Variants in HMGXB4 observed in about 807,000 individuals in gnomAD.
The protein encoded by HMGXB4 is HMG domain-containing protein 4.
HMGXB4 carries 27 observed loss-of-function variants against 63.9 expected under a neutral mutation model. The observed-to-expected ratio is 0.42, with a 90% CI of 0.31 to 0.58. The LOEUF is 0.58. HMGXB4 is among the 20% of genes least tolerant of loss of function. HMGXB4 has a pLI of 0.13. For synonymous variants in HMGXB4, 264 were observed against 265.3 expected, an observed-to-expected ratio of 0.99 and a Z score of 0.05; for missense variants, 624 against 700.7, an observed-to-expected ratio of 0.89 and a Z score of 1.24.
chr22:35,263,021 G>C, intron 2 of HMGXB4, 57 bp from the exon 3 acceptor site: 1 of 1,508,914 alleles, frequency 6.6e-7, no homozygotes, highest in Non-Finnish European at 9.1e-7. Flanking sequence ...ATGACGATTT[G>C]GTCATTACTT....
chr22:35,290,004 G>A (rs777453423), intron 9 of HMGXB4, among the ~76,000 whole-genome samples: 19 of 152,314 alleles, frequency 1.2e-4, no homozygotes, highest in Admixed American at 2.6e-4. Flanking sequence ...CACAAGAGCT[G>A]AAGCTATATC....
chr22:35,260,770 T>C (rs533034322), intron 1 of HMGXB4, among the ~76,000 whole-genome samples: 54 of 152,366 alleles, frequency 3.5e-4, no homozygotes, highest in African/African-American at 1.3e-3. Context: ...TTCTTGGTAA[T>C]GCTTCATTTT....
At chr22:35,285,678 A>T (rs1924531066) in intron 6 of HMGXB4, among the ~76,000 whole-genome samples, 1 of 152,228 alleles carries the variant, frequency 6.6e-6, no homozygotes, top group Non-Finnish European at 1.5e-5. Flanking sequence ...GTGAGCCATG[A>T]TCACACCACT....
upstream of HMGXB4, among the ~76,000 whole-genome samples, chr22:35,256,371 T>C (rs1922404162): frequency 1.3e-5 from 2 of 152,176 alleles, no homozygotes; most frequent in African/African-American, 4.8e-5. Flanking sequence ...CCAATCTACA[T>C]CTCTAACTTC....
chr22:35,290,085 G>A (rs1350759601), intron 9 of HMGXB4, among the ~76,000 whole-genome samples: 2 of 152,116 alleles, frequency 1.3e-5, no homozygotes, highest in Admixed American at 6.5e-5. Flanking sequence ...ATATAGGCTC[G>A]ATATCTGAAT....
intron 1 of HMGXB4, among the ~76,000 whole-genome samples, chr22:35,260,666 C>T (rs140966327): frequency 6.9e-4 from 105 of 152,340 alleles, no homozygotes; most frequent in African/African-American, 2.5e-3. Flanking sequence ...ATTACTCTAG[C>T]TTCTCTTACT....
intron 5 of HMGXB4, 129 bp from the exon 6 acceptor site, chr22:35,283,833 T>G: frequency 3.3e-6 from 2 of 613,400 alleles, no homozygotes; most frequent in East Asian, 2.7e-5. Context: ...GAAAGCTGGT[T>G]AGTAGTTTGG....
rs756981686 is a variant in HMGXB4, at chr22:35,265,256, A to G, written c.868A>G (p.Ile290Val). 2.3e-5 allele frequency: 37 copies of G among 1,613,992 alleles called. No individual in the cohort carries two copies. The highest frequency in any genetic ancestry group is 3.1e-5 in the Non-Finnish European group (36 of 1,180,012). ...CCTTGATCTTTCAGGGCTTGAACCT[A>G]TTCTGGTAGAATCAGACTCATCCTC... ...ANLDLSGLEP[I>V]LVESDSSSGG... The change falls in exon 5 of 11, where the codon ATT (isoleucine) becomes GTT (valine). Residue 290 changes from isoleucine (I) to valine (V), a missense_variant. By Grantham distance (29) the Ile-to-Val change is conservative (BLOSUM62 3). Transcript: ENST00000216106.
intron 9 of HMGXB4, among the ~76,000 whole-genome samples, chr22:35,290,393 C>A (rs1272822514): frequency 1.3e-5 from 2 of 151,912 alleles, no homozygotes; most frequent in Non-Finnish European, 2.9e-5. Flanking sequence ...CGCCTGTAAT[C>A]CCAGCACTTT....
At chr22:35,287,903 G>A (rs760737813) in intron 8 of HMGXB4, among the ~76,000 whole-genome samples, 2 of 151,782 alleles carry the variant, frequency 1.3e-5, no homozygotes, top group Non-Finnish European at 2.9e-5. Flanking sequence ...AGCCGAGATC[G>A]TGCCATGGCA....
At chr22:35,257,891 C>T (rs527937190) in intron 1 of HMGXB4, among the ~76,000 whole-genome samples, 359 of 152,134 alleles carry the variant, frequency 2.4e-3, no homozygotes, top group Non-Finnish European at 3.6e-3. Flanking sequence ...CCGTCTCCGC[C>T]CTCGGGGGCG....
intron 5 of HMGXB4, among the ~76,000 whole-genome samples, chr22:35,270,162 C>G (rs1319840714): frequency 6.6e-6 from 1 of 152,132 alleles, no homozygotes; most frequent in African/African-American, 2.4e-5. Flanking sequence ...AGTTGAGTGG[C>G]GGGCAAGCCA....
At chr22:35,259,119 A>AC (rs1922669558) in intron 1 of HMGXB4, among the ~76,000 whole-genome samples, 1 of 152,212 alleles carries the variant, frequency 6.6e-6, no homozygotes, top group Non-Finnish European at 1.5e-5. Flanking sequence ...TCTACCAGGG[A>AC]AAGAGCAACT....
At chr22:35,257,661 C>T (rs951347191) in intron 1 of HMGXB4, 104 bp downstream of exon 1, 9 of 152,566 alleles carry the variant, frequency 5.9e-5, no homozygotes, top group Non-Finnish European at 1.3e-4. Flanking sequence ...GCGACATCAC[C>T]TCTGGGGTGC....
At chr22:35,268,390 C>T (rs766069460) in intron 5 of HMGXB4, among the ~76,000 whole-genome samples, 83 of 152,318 alleles carry the variant, frequency 5.4e-4, no homozygotes, top group Non-Finnish European at 9.0e-4. Context: ...GCCTTTAGCT[C>T]CTCCATTACC....
At chr22:35,287,503 T>C (rs1412953470) in intron 8 of HMGXB4, 51 bp downstream of exon 8, 1 of 1,352,084 alleles carries the variant, frequency 7.4e-7, no homozygotes. Flanking sequence ...TGAATTTTGC[T>C]TCCTTGCTAA....
rs762930697 is a variant in HMGXB4, at chr22:35,295,677, A to G, written c.*2026A>G. The G allele has an allele frequency of 2.0e-5, 3 of 152,488 alleles. No individual in the cohort carries two copies. Among genetic ancestry groups the G allele is most frequent in the Admixed American group, 6.5e-5 (1 of 15,274 alleles). The allele number at this position is 152,488 out of a possible 1,614,324, so 9.4% of individuals were successfully genotyped here. ...AAACTTTGGATTCAGACCTTCTTGC[A>G]GTTTTTATATCATTGTTTTATTTTG... On this transcript the variant is annotated 3_prime_UTR_variant, in exon 11 of 11. Transcript: ENST00000216106.
At chr22:35,271,279 G>T (rs1176532011) in intron 5 of HMGXB4, among the ~76,000 whole-genome samples, 1 of 152,118 alleles carries the variant, frequency 6.6e-6, no homozygotes, top group Non-Finnish European at 1.5e-5. Context: ...AGATAGAAAA[G>T]AATGATTTAG....
In HMGXB4 at chr22:35,263,821, C is replaced by A. The variant is rs979637894; in HGVS notation, c.206C>A (p.Thr69Lys). ...LKDSELYFLG[T>K]DTHKKKRKHS... ...GATAGTGAACTTTACTTCTTGGGGA[C>A]GGACACACACAAGAAGAAGAGGAAG... is the stretch of plus-strand genomic sequence containing the variant. Residue 69 changes from threonine (T) to lysine (K), a missense_variant, in exon 4 of 11, where the codon ACG becomes AAG. Physicochemically the swap from Thr to Lys is moderately conservative, Grantham distance 78. Around this residue, in one of 2 missense-constraint regions of HMGXB4, gnomAD observed 472 missense variants for 470.6 expected, o/e 1.00. Transcript: ENST00000216106. The A allele has an allele frequency of 6.2e-7, 1 of 1,612,930 alleles. No individual in the cohort carries two copies. Among genetic ancestry groups the A allele is most frequent in the Non-Finnish European group, 8.5e-7 (1 of 1,179,000 alleles).
Sources: allele counts gnomAD v4.1 joint callset (sites outside exome capture counted in the v4.1 genomes callset), GRCh38; gene constraint gnomAD v4.1.1; regional missense constraint gnomAD v4.1.1; transcripts MANE v1.5; gene names NCBI Gene and HGNC (gene_info 2026-07-23, HGNC 2026-07-21).